Variants in GRIP2 observed in about 807,000 individuals in gnomAD.
The protein encoded by GRIP2 is glutamate receptor interacting protein 2.
GRIP2 carries 58 observed loss-of-function variants against 108.3 expected under a neutral mutation model. That is an observed-to-expected ratio of 0.54 (90% CI 0.43 to 0.67). The LOEUF (loss-of-function observed/expected upper bound fraction) is 0.67. Ranked by LOEUF, GRIP2 falls within the 30% of genes least tolerant of loss-of-function variation. GRIP2 has a pLI of 0.00. For synonymous variants in GRIP2, 586 were observed against 598.2 expected, an observed-to-expected ratio of 0.98 and a Z score of 0.30; for missense variants, 1,278 against 1,430.6, an observed-to-expected ratio of 0.89 and a Z score of 1.72.
chr3:14,537,818 C>T (rs1330319547), intron 1 of GRIP2, among the ~76,000 whole-genome samples: 1 of 152,222 alleles, frequency 6.6e-6, no homozygotes, highest in African/African-American at 2.4e-5. Flanking sequence ...CTGCCCCCAG[C>T]ATGGCAGCAA....
chr3:14,519,592 C>A (rs1014644327), intron 9 of GRIP2, among the ~76,000 whole-genome samples: 1 of 152,192 alleles, frequency 6.6e-6, no homozygotes, highest in Non-Finnish European at 1.5e-5. Flanking sequence ...GGCCACCCCC[C>A]ACCCTGCCCC....
the GRIP2 span, among the ~76,000 whole-genome samples, chr3:14,586,701 A>G: frequency 6.6e-6 from 1 of 152,242 alleles, no homozygotes; most frequent in African/African-American, 2.4e-5. Flanking sequence ...GAAAGCCTAT[A>G]TGAATTGCAT....
At chr3:14,513,063 G>A (rs1284328344) in intron 13 of GRIP2, among the ~76,000 whole-genome samples, 2 of 152,208 alleles carry the variant, frequency 1.3e-5, no homozygotes, top group Non-Finnish European at 2.9e-5. Context: ...GCTCTAGTCA[G>A]ACCAGAGTCG....
chr3:14,509,065 GC>G (rs1694009608), intron 17 of GRIP2, among the ~76,000 whole-genome samples: 1 of 152,098 alleles, frequency 6.6e-6, no homozygotes, highest in Non-Finnish European at 1.5e-5. Flanking sequence ...TCTGCAGTCT[GC>G]CAGGTGTCCA....
chr3:14,495,980 T>TA (rs1693590067), intron 22 of GRIP2, among the ~76,000 whole-genome samples: 1 of 151,702 alleles, frequency 6.6e-6, no homozygotes, highest in Non-Finnish European at 1.5e-5. Flanking sequence ...ACCCTGTCTC[T>TA]AAAAAAATAC....
At position 14,517,233 on chromosome 3, in the gene GRIP2, GC is replaced by G. The variant is rs759412094; in HGVS notation, c.1157-21del. 2.0e-6 allele frequency: 3 copies of G among 1,527,740 alleles called. No individual in the cohort carries two copies. Among genetic ancestry groups the G allele is most frequent in the African/African-American group, 2.8e-5 (2 of 71,656 alleles). 94.6% of individuals were successfully genotyped at this position (1,527,740 alleles called of 1,614,324 possible). On this transcript the variant is annotated intron_variant, in intron 10 of 23. Coordinates refer to ENST00000621039, the MANE Select transcript of GRIP2 (RefSeq NM_001080423.4). Reference sequence around the variant, plus strand: ...ACAAGGCTGGGGAGATGAGAGCACAGCCCCGTGAACCCCAGCCGAGGCTCTC... The same window carrying G: ...ACAAGGCTGGGGAGATGAGAGCACAGCCCGTGAACCCCAGCCGAGGCTCTC...
At chr3:14,503,808 C>G in intron 20 of GRIP2, 137 bp from the exon 21 acceptor site, 1 of 603,320 alleles carries the variant, frequency 1.7e-6, no homozygotes, top group Non-Finnish European at 2.9e-6. Flanking sequence ...GGCAGGCGGG[C>G]GTCCTCGGTG....
chr3:14,493,967 A>T (rs1693492462), intron 23 of GRIP2, 141 bp from the exon 24 acceptor site: 1 of 758,006 alleles, frequency 1.3e-6, no homozygotes, highest in East Asian at 3.0e-5. Context: ...CCACACACAG[A>T]GGAACATTCT....
intron 1 of GRIP2, among the ~76,000 whole-genome samples, chr3:14,555,496 G>A (rs1695223230): frequency 6.6e-6 from 1 of 152,294 alleles, no homozygotes; most frequent in South Asian, 2.1e-4. Context: ...GACAGAGTGG[G>A]AGAGAGAAGG....
chr3:14,570,733 A>C, the GRIP2 span, among the ~76,000 whole-genome samples: 6 of 152,234 alleles, frequency 3.9e-5, no homozygotes, highest in Non-Finnish European at 7.3e-5. Context: ...AAGTAAAAAG[A>C]AAATACTGGC....
At chr3:14,510,884 A>C (rs1694068556) in intron 16 of GRIP2, among the ~76,000 whole-genome samples, 1 of 152,164 alleles carries the variant, frequency 6.6e-6, no homozygotes, top group African/African-American at 2.4e-5. Flanking sequence ...CACCAGCTGC[A>C]CCCAGTAGGT....
chr3:14,585,023 G>GT, the GRIP2 span, among the ~76,000 whole-genome samples: 2 of 152,326 alleles, frequency 1.3e-5, no homozygotes, highest in South Asian at 4.1e-4. Flanking sequence ...TTATGGAGTT[G>GT]TTTTTTGTTG....
intron 23 of GRIP2, 114 bp from the exon 24 acceptor site, chr3:14,493,940 C>T: frequency 9.6e-7 from 1 of 1,046,420 alleles, no homozygotes; most frequent in Non-Finnish European, 1.4e-6. Flanking sequence ...TTGACGCAAG[C>T]CCTGACATCA....
At chr3:14,528,663 C>G (rs113355580) in intron 1 of GRIP2, among the ~76,000 whole-genome samples, 7,271 of 151,418 alleles carry the variant, frequency 0.048, 236 homozygotes, top group East Asian at 0.15. Flanking sequence ...CAAGACCAGC[C>G]TGGGCAACAC....
the GRIP2 span, among the ~76,000 whole-genome samples, chr3:14,600,748 A>G: frequency 6.6e-6 from 1 of 152,198 alleles, no homozygotes; most frequent in South Asian, 2.1e-4. Context: ...AAAGCCGGAG[A>G]TTTTGCCTTT....
chr3:14,571,269 A>G, the GRIP2 span, among the ~76,000 whole-genome samples: 6 of 152,042 alleles, frequency 3.9e-5, no homozygotes, highest in Non-Finnish European at 1.5e-5. Flanking sequence ...CCTCACTCAC[A>G]TTGCCTGGCC....
At chr3:14,593,213 T>C in the GRIP2 span, among the ~76,000 whole-genome samples, 1 of 152,250 alleles carries the variant, frequency 6.6e-6, no homozygotes, top group African/African-American at 2.4e-5. Flanking sequence ...TATTTGTCTC[T>C]GCTTTTGGCT....
the GRIP2 span, among the ~76,000 whole-genome samples, chr3:14,568,054 G>A: frequency 5.3e-5 from 8 of 152,214 alleles, no homozygotes; most frequent in Non-Finnish European, 1.0e-4. Flanking sequence ...AGTGATGGAC[G>A]GAGTAGCAGA....
chr3:14,520,909 C>G (rs972614085), intron 7 of GRIP2: 4 of 230,022 alleles, frequency 1.7e-5, no homozygotes, highest in African/African-American at 9.0e-5. Flanking sequence ...CACCCAGTGG[C>G]TGGAAATTAA....
Sources: allele counts gnomAD v4.1 joint callset (sites outside exome capture counted in the v4.1 genomes callset), GRCh38; gene constraint gnomAD v4.1.1; transcripts MANE v1.5; gene names NCBI Gene and HGNC (gene_info 2026-07-23, HGNC 2026-07-21).